PTPRJ: variants seen among roughly 807,000 people sequenced by gnomAD.
PTPRJ encodes protein tyrosine phosphatase receptor type J.
In PTPRJ, 129 loss-of-function variants were observed where a neutral mutation model predicts 141.3. The ratio of observed to expected loss-of-function variants is 0.91; its 90% CI spans 0.79 to 1.06. The LOEUF is 1.06. PTPRJ is among the 50% of genes least tolerant of loss of function. The pLI is 0.00. For synonymous variants in PTPRJ, 610 were observed against 640.5 expected, an observed-to-expected ratio of 0.95 and a Z score of 0.72; for missense variants, 1,601 against 1,679.7, an observed-to-expected ratio of 0.95 and a Z score of 0.82.
intron 1 of PTPRJ, among the ~76,000 whole-genome samples, chr11:48,096,360 T>C (rs1395045733): frequency 1.3e-5 from 2 of 152,228 alleles, no homozygotes; most frequent in African/African-American, 4.8e-5. Flanking sequence ...TAGCCCAAAT[T>C]CCTGCGAAGG....
At chr11:48,016,224 C>T (rs185763764) in intron 1 of PTPRJ, among the ~76,000 whole-genome samples, 4 of 152,316 alleles carry the variant, frequency 2.6e-5, no homozygotes, top group Admixed American at 2.6e-4. Context: ...ACCTCTGCTT[C>T]TTGCTTGTGA....
intron 3 of PTPRJ, among the ~76,000 whole-genome samples, chr11:48,113,589 C>A (rs745489427): frequency 1.3e-4 from 20 of 152,124 alleles, no homozygotes; most frequent in Admixed American, 3.3e-4. Flanking sequence ...TTGCTGATAC[C>A]TGGGTTAGAT....
intron 2 of PTPRJ, 89 bp downstream of exon 2, chr11:48,110,165 A>G: frequency 7.4e-7 from 1 of 1,354,746 alleles, no homozygotes; most frequent in Non-Finnish European, 1.0e-6. Context: ...GTGAAATGCT[A>G]ATTTATTAAA....
At chr11:48,029,596 G>A (rs977448543) in intron 1 of PTPRJ, among the ~76,000 whole-genome samples, 2 of 152,172 alleles carry the variant, frequency 1.3e-5, no homozygotes, top group African/African-American at 4.8e-5. Context: ...AAGTTAGTTG[G>A]TATGAAATTC....
At position 48,121,244 on chromosome 11, in the gene PTPRJ, C is replaced by T; in HGVS notation, c.594C>T (p.Pro198=). 6.2e-7 allele frequency: 1 copy of T among 1,614,092 alleles called. No homozygotes were observed. Among genetic ancestry groups the T allele is most frequent in the Non-Finnish European group, 8.5e-7 (1 of 1,179,984 alleles). ...TAGGCAATGAGACTTGGGGAGATCC[C>T]AGAGTCATAAAAGTCATCACAGGTA... ...PGIGNETWGD[P]RVIKVITEPI... is the part of the protein sequence containing the mutation. The change falls in exon 4 of 25, where the codon CCC becomes CCT. Residue 198 remains proline (P), a synonymous_variant. Transcript: ENST00000418331.
chr11:48,073,394 A>G (rs1855313626), intron 1 of PTPRJ, among the ~76,000 whole-genome samples: 1 of 152,134 alleles, frequency 6.6e-6, no homozygotes, highest in South Asian at 2.1e-4. Flanking sequence ...ACTCCCACCC[A>G]TCGTCCTGCC....
chr11:48,157,602 C>T (rs1197177030), intron 21 of PTPRJ, among the ~76,000 whole-genome samples: 1 of 152,232 alleles, frequency 6.6e-6, no homozygotes, highest in Non-Finnish European at 1.5e-5. Flanking sequence ...TGGAGTGGTA[C>T]TGTCCCCAGG....
At chr11:48,018,917 C>CCCCT (rs1270181224) in intron 1 of PTPRJ, among the ~76,000 whole-genome samples, 1 of 152,214 alleles carries the variant, frequency 6.6e-6, no homozygotes, top group Non-Finnish European at 1.5e-5. Context: ...TTCTCCCCGA[C>CCCCT]CCCTCGCCTC....
chr11:48,038,467 T>A (rs1350067714), intron 1 of PTPRJ, among the ~76,000 whole-genome samples: 2 of 152,080 alleles, frequency 1.3e-5, no homozygotes, highest in Non-Finnish European at 2.9e-5. Context: ...AGACTACTGA[T>A]AACAGGCAGC....
At chr11:48,060,382 C>G (rs1854885336) in intron 1 of PTPRJ, among the ~76,000 whole-genome samples, 1 of 151,916 alleles carries the variant, frequency 6.6e-6, no homozygotes, top group South Asian at 2.1e-4. Context: ...CTCTCTTGAG[C>G]TGCCACGTTT....
chr11:48,126,807 C>A lies in PTPRJ; in HGVS notation c.1094-973C>A, dbSNP rs868525718. Among the ~76,000 whole-genome samples, 1,112 of 125,358 alleles carry A rather than the reference C, an allele frequency of 8.9e-3. 19 individuals are homozygous for A. Among genetic ancestry groups the A allele is most frequent in the African/African-American group, 0.037 (1,056 of 28,582 alleles). The allele number at this position is 125,358 out of a possible 152,430, so 82.2% of individuals were successfully genotyped here. On this transcript the variant is annotated intron_variant, in intron 6 of 24. Transcript: ENST00000418331. ...ACACACACACACACACACACACACA[C>A]ACACACACACACAGATAAACACACA...
intron 1 of PTPRJ, among the ~76,000 whole-genome samples, chr11:48,056,031 G>C (rs1312653199): frequency 6.6e-6 from 1 of 152,140 alleles, no homozygotes; most frequent in African/African-American, 2.4e-5. Context: ...GGAGGAAGTG[G>C]GTTTTCAGGT....
chr11:48,075,670 C>T (rs935006279), intron 1 of PTPRJ, among the ~76,000 whole-genome samples: 1 of 151,712 alleles, frequency 6.6e-6, no homozygotes, highest in Non-Finnish European at 1.5e-5. Context: ...TGGGCTTAAG[C>T]GATCTTCCCA....
In PTPRJ at chr11:48,137,095, T is replaced by G; in HGVS notation, c.1966T>G (p.Ser656Ala). ...CTTTGATGACGCCTCTCCCACGTAC[T>G]CCTACTGCCTTCTTATTGAGAAGGC... is the stretch of plus-strand genomic sequence containing the variant. ...QNFDDASPTYSYCLLIEKAGN... is the reference protein window; with the variant it reads ...QNFDDASPTYAYCLLIEKAGN... The change falls in exon 10 of 25, where the codon TCC becomes GCC. Residue 656 changes from serine (S) to alanine (A), a missense_variant. Physicochemically the swap from Ser to Ala is moderately conservative, Grantham distance 99. Transcript: ENST00000418331. The G allele has an allele frequency of 6.2e-7, 1 of 1,607,308 alleles. No homozygotes were observed. Among genetic ancestry groups the G allele is most frequent in the Non-Finnish European group, 8.5e-7 (1 of 1,173,796 alleles).
chr11:48,103,161 G>A (rs1856191694), intron 1 of PTPRJ, among the ~76,000 whole-genome samples: 1 of 152,174 alleles, frequency 6.6e-6, no homozygotes, highest in Non-Finnish European at 1.5e-5. Context: ...ATTTGAAATT[G>A]TAATGAGAGC....
chr11:47,998,885 G>A (rs898908309), intron 1 of PTPRJ, among the ~76,000 whole-genome samples: 3 of 152,182 alleles, frequency 2.0e-5, no homozygotes, highest in Non-Finnish European at 4.4e-5. Flanking sequence ...ATGTTACCTG[G>A]AGAGGACAGA....
chr11:48,062,628 C>T (rs1854969975), intron 1 of PTPRJ, among the ~76,000 whole-genome samples: 1 of 152,192 alleles, frequency 6.6e-6, no homozygotes, highest in Admixed American at 6.5e-5. Context: ...GTCTCCTTGT[C>T]AATGTGGAGA....
chr11:48,096,636 C>G (rs1423990175), intron 1 of PTPRJ: 1 of 154,312 alleles, frequency 6.5e-6, no homozygotes, highest in African/African-American at 2.4e-5. Context: ...AGTTCACCCC[C>G]CAGAGCTGTT....
chr11:48,066,649 C>A, intron 1 of PTPRJ, among the ~76,000 whole-genome samples: 1 of 151,268 alleles, frequency 6.6e-6, no homozygotes, highest in Non-Finnish European at 1.5e-5. Context: ...GCGGTGGTGC[C>A]ATCTTGGCTC....
Sources: allele counts gnomAD v4.1 joint callset (sites outside exome capture counted in the v4.1 genomes callset), GRCh38; gene constraint gnomAD v4.1.1; transcripts MANE v1.5; gene names NCBI Gene and HGNC (gene_info 2026-07-23, HGNC 2026-07-21).